Variants in ESR1 observed in about 807,000 individuals in gnomAD.
The protein encoded by ESR1 is estrogen receptor.
A neutral mutation model predicts 52.7 loss-of-function variants in ESR1; 12 were observed. The observed-to-expected ratio is 0.23, with a 90% CI of 0.15 to 0.37. ESR1 has a LOEUF of 0.37. Among genes scored for constraint, ESR1 ranks in the 10% least tolerant of loss-of-function variants. The pLI, the probability that ESR1 is intolerant of heterozygous loss-of-function variation, is 1.00. For missense variants in ESR1, 584 were observed against 779.7 expected (o/e 0.75, Z 2.99); for synonymous variants, 305 against 316.8 (o/e 0.96, Z 0.39).
intron 2 of ESR1, among the ~76,000 whole-genome samples, chr6:151,703,651 A>G (rs1048899142): frequency 6.6e-5 from 10 of 152,182 alleles, no homozygotes; most frequent in African/African-American, 2.4e-4. Flanking sequence ...GGAGGGGGAA[A>G]AAAGATTTTA....
At chr6:152,034,167 A>G (rs1033603557) in intron 5 of ESR1, among the ~76,000 whole-genome samples, 43 of 151,852 alleles carry the variant, frequency 2.8e-4, no homozygotes, top group Admixed American at 5.3e-4. Context: ...GGAGGGATGC[A>G]TTAGGAGATA....
upstream of ESR1, chr6:151,805,209 A>G (rs1777662798): frequency 6.6e-6 from 1 of 152,176 alleles, no homozygotes; most frequent in African/African-American, 2.4e-5. Flanking sequence ...AATCGGAGGC[A>G]TGGCAATGCC....
intron 2 of ESR1, among the ~76,000 whole-genome samples, chr6:151,789,739 GT>G (rs1787348066): frequency 6.6e-6 from 1 of 152,168 alleles, no homozygotes; most frequent in Non-Finnish European, 1.5e-5. Context: ...AAACGTGTGA[GT>G]TTCATTTCAT....
intron 1 of ESR1, among the ~76,000 whole-genome samples, chr6:151,829,770 A>G (rs1782088804): frequency 6.6e-6 from 1 of 152,222 alleles, no homozygotes; most frequent in Non-Finnish European, 1.5e-5. Flanking sequence ...TTACAGATGA[A>G]GAAACTGAGG....
At chr6:152,038,255 T>G (rs2045485171) in intron 5 of ESR1, among the ~76,000 whole-genome samples, 1 of 152,214 alleles carries the variant, frequency 6.6e-6, no homozygotes, top group South Asian at 2.1e-4. Flanking sequence ...TCTGCCTGCT[T>G]TTATCCTAGC....
Position 152,098,612 on chromosome 6 carries a change from A to G in ESR1, c.1554-120A>G. The G allele has an allele frequency of 1.2e-6, 1 of 852,322 alleles. No individual in the cohort carries two copies. Among genetic ancestry groups the G allele is most frequent in the East Asian group, 2.6e-5 (1 of 37,848 alleles). The allele number at this position is 852,322 out of a possible 1,614,324, so 52.8% of individuals were successfully genotyped here. A position where few individuals can be genotyped will look rare whatever the true frequency, so the allele number is the denominator to read the frequency against. The stretch of plus-strand genomic sequence containing the variant: ...ATCCTAAAGTGGGTCTTTAAACAGG[A>G]AGAAAGAAAGATTGCTAAGTGTCTT... On this transcript the variant is annotated intron_variant, in intron 7 of 7. Coordinates refer to ENST00000206249, the MANE Select transcript of ESR1 (RefSeq NM_000125.4). This position sits in a 1 kb window ranked among gnomAD's most constrained non-coding sequence, Gnocchi z 5.1.
intron 1 of ESR1, among the ~76,000 whole-genome samples, chr6:151,677,137 C>G (rs1778280037): frequency 6.6e-6 from 1 of 152,142 alleles, no homozygotes; most frequent in South Asian, 2.1e-4. Flanking sequence ...AGGTACCAAG[C>G]TGAGCAAGAA....
intron 5 of ESR1, among the ~76,000 whole-genome samples, chr6:152,038,492 T>G (rs1016973685): frequency 1.2e-4 from 18 of 152,072 alleles, no homozygotes; most frequent in African/African-American, 4.1e-4. Flanking sequence ...TCATACATGA[T>G]CTCCAAATAC....
At chr6:151,883,222 C>T (rs939361739) in intron 3 of ESR1, among the ~76,000 whole-genome samples, 7 of 151,614 alleles carry the variant, frequency 4.6e-5, no homozygotes, top group Non-Finnish European at 7.4e-5. Context: ...CAGGTTCAGG[C>T]GATTCTCCTG....
intron 1 of ESR1, among the ~76,000 whole-genome samples, chr6:151,809,699 C>A (rs1778490718): frequency 6.6e-6 from 1 of 152,194 alleles, no homozygotes; most frequent in South Asian, 2.1e-4. Flanking sequence ...CAGTGTGCAT[C>A]TTCAGCCGCC....
chr6:151,950,157 C>T (rs1271623266), intron 4 of ESR1, among the ~76,000 whole-genome samples: 3 of 152,200 alleles, frequency 2.0e-5, no homozygotes, highest in Non-Finnish European at 4.4e-5. Flanking sequence ...GAGGCCTCCC[C>T]AGCCACAATG....
At chr6:151,988,674 C>A (rs1334430757) in intron 4 of ESR1, among the ~76,000 whole-genome samples, 1 of 151,946 alleles carries the variant, frequency 6.6e-6, no homozygotes, top group African/African-American at 2.4e-5. Context: ...AACAAACCCC[C>A]ATGACACAAG....
chr6:151,723,989 A>T lies in ESR1; in HGVS notation c.-71+21984A>T, dbSNP rs191430922. On this transcript the variant is annotated intron_variant, in intron 2 of 2. Coordinates refer to the ESR1 transcript ENST00000404742. Reference sequence around the variant, plus strand: ...TAGGTACAAGCAGATGGGATAGGACACTAAAGCAAGCTGGAGTAATACTGG... The same window carrying T: ...TAGGTACAAGCAGATGGGATAGGACTCTAAAGCAAGCTGGAGTAATACTGG... 9.9e-5 allele frequency among the ~76,000 whole-genome samples: 15 copies of T among 152,274 alleles called. No homozygotes were observed. The East Asian group carries it at 2.9e-3, about 30-fold the overall frequency.
chr6:151,739,013 C>T (rs952003437), intron 2 of ESR1, among the ~76,000 whole-genome samples: 1 of 152,192 alleles, frequency 6.6e-6, no homozygotes, highest in African/African-American at 2.4e-5. Flanking sequence ...AGGATACTTG[C>T]AGCCATTTTC....
chr6:151,877,356 G>T (rs1792024696), intron 2 of ESR1, among the ~76,000 whole-genome samples: 2 of 152,154 alleles, frequency 1.3e-5, no homozygotes, highest in African/African-American at 4.8e-5. Flanking sequence ...GACGTGAGCT[G>T]AAGACTTAGA....
downstream of ESR1, among the ~76,000 whole-genome samples, chr6:152,105,379 A>G (rs183510467): frequency 1.3e-5 from 2 of 152,122 alleles, no homozygotes; most frequent in Admixed American, 6.5e-5. Flanking sequence ...TTTCCCCCCA[A>G]ATTGTTAAAT....
At chr6:152,114,058 A>G (rs2051178602) in intron 6 of ESR1, among the ~76,000 whole-genome samples, 3 of 152,172 alleles carry the variant, frequency 2.0e-5, no homozygotes, top group Admixed American at 6.5e-5. Flanking sequence ...AGCAAACACC[A>G]TAGGGAAGGT....
intron 2 of ESR1, among the ~76,000 whole-genome samples, chr6:151,797,377 T>G (rs1042114766): frequency 2.0e-5 from 3 of 152,222 alleles, no homozygotes; most frequent in Admixed American, 2.0e-4. Context: ...AAGATCACAT[T>G]TTGCATGAAA....
chr6:151,928,256 A>G (rs997888297), intron 3 of ESR1, among the ~76,000 whole-genome samples: 3 of 152,152 alleles, frequency 2.0e-5, no homozygotes, highest in Admixed American at 2.0e-4. Flanking sequence ...CCTACCAAAC[A>G]TTATCGCTTA....
Sources: allele counts gnomAD v4.1 joint callset (sites outside exome capture counted in the v4.1 genomes callset), GRCh38; gene constraint gnomAD v4.1.1; non-coding constraint Gnocchi (gnomAD v3.1); transcripts MANE v1.5; gene names NCBI Gene and HGNC (gene_info 2026-07-23, HGNC 2026-07-21).